Variants in GEMIN8 observed in about 807,000 individuals in gnomAD.
GEMIN8 encodes gem nuclear organelle associated protein 8.
For missense variants in GEMIN8, 185 were observed against 205.9 expected (o/e 0.90, Z 0.62); for synonymous variants, 80 against 78.5 (o/e 1.02, Z -0.10).
At chrX:14,012,526 T>C (rs1396469768) in intron 4 of GEMIN8, among the ~76,000 whole-genome samples, 1 of 111,127 alleles carries the variant, frequency 9.0e-6, no homozygotes, top group Non-Finnish European at 1.9e-5. Flanking sequence ...CCTAAAACAC[T>C]GAACTAAAGG....
At position 14,007,821 on chromosome X, in the gene GEMIN8, C is replaced by T. The variant is rs148131569; in HGVS notation, c.*1092G>A. Among the ~76,000 whole-genome samples, 650 of 110,475 alleles carry T rather than the reference C, an allele frequency of 5.9e-3. 4 individuals carry two copies. Among genetic ancestry groups the T allele is most frequent in the African/African-American group, 0.02 (604 of 30,328 alleles). ...GGATTACAGGCATGAGCCACCGCGCCGGGCCGGAATTATTGTTCTTTGCTC... is the reference window on the plus strand; with the variant it reads ...GGATTACAGGCATGAGCCACCGCGCTGGGCCGGAATTATTGTTCTTTGCTC... On this transcript the variant is annotated 3_prime_UTR_variant, in exon 5 of 5. Coordinates refer to ENST00000680255, the MANE Select transcript of GEMIN8 (RefSeq NM_001042479.2).
chrX:14,000,555 C>T, the GEMIN8 span, among the ~76,000 whole-genome samples: 1 of 109,235 alleles, frequency 9.2e-6, no homozygotes, highest in Non-Finnish European at 1.9e-5. Flanking sequence ...CCAGATCGTG[C>T]CACTGCACTC....
At position 14,026,034 on chromosome X, in the gene GEMIN8, A is replaced by G. The variant is rs780198402; in HGVS notation, c.-34+106T>C. The stretch of plus-strand genomic sequence containing the variant: ...AAATAATTATAGACATTACAGCAAC[A>G]CCTTCAGAGACTACTACCTCTCAAA... On this transcript the variant is annotated intron_variant, in intron 2 of 4. Coordinates refer to ENST00000680255, the MANE Select transcript of GEMIN8 (RefSeq NM_001042479.2). The G allele has an allele frequency of 4.0e-6, 3 of 742,805 alleles. No homozygotes were observed. In the African/African-American group the frequency reaches 7.0e-5, roughly 17 times the overall value. The allele number at this position is 742,805 out of a possible 1,213,427, so 61.2% of individuals were successfully genotyped here. A position where few individuals can be genotyped will look rare whatever the true frequency, so the allele number is the denominator to read the frequency against.
At chrX:13,985,272 C>T in the GEMIN8 span, among the ~76,000 whole-genome samples, 1 of 111,800 alleles carries the variant, frequency 8.9e-6, no homozygotes, top group Admixed American at 9.5e-5. Flanking sequence ...AAGCACTGCC[C>T]CCAGAAACAG....
At chrX:14,028,574 A>C (rs1864992961) in intron 1 of GEMIN8, among the ~76,000 whole-genome samples, 1 of 110,429 alleles carries the variant, frequency 9.1e-6, no homozygotes, top group Admixed American at 9.7e-5. Flanking sequence ...TCTAGCCTTA[A>C]CTGTTCAAAA....
the GEMIN8 span, among the ~76,000 whole-genome samples, chrX:13,997,978 C>G: frequency 9.3e-6 from 1 of 107,781 alleles, no homozygotes. Context: ...ATAGTCACGA[C>G]GTATTTTTAA....
At chrX:14,009,216 G>A in intron 4 of GEMIN8, 47 bp from the exon 5 acceptor site, 2 of 1,172,692 alleles carry the variant, frequency 1.7e-6, no homozygotes, top group Non-Finnish European at 2.3e-6. Flanking sequence ...ACACGTGTGT[G>A]CACTGCAGAA....
intron 4 of GEMIN8, among the ~76,000 whole-genome samples, chrX:14,010,872 C>T (rs1451186456): frequency 1.8e-5 from 2 of 112,202 alleles, no homozygotes; most frequent in East Asian, 5.6e-4. Flanking sequence ...GAATGGGGGC[C>T]ACCAAGCATT....
At chrX:14,020,657 C>T (rs1008615430) in intron 3 of GEMIN8, 123 bp from the exon 4 acceptor site, 65 of 488,538 alleles carry the variant, frequency 1.3e-4, no homozygotes, top group Non-Finnish European at 2.2e-4. Flanking sequence ...TACCTACCTA[C>T]ATGAGGAGGC....
In GEMIN8 at chrX:14,026,156, C is replaced by G. The variant is rs763672662; in HGVS notation, c.-50G>C. 5.3e-6 allele frequency: 4 copies of G among 749,750 alleles called. No homozygotes were observed. The highest frequency in any genetic ancestry group is 6.3e-6 in the Non-Finnish European group (4 of 635,944). The allele number at this position is 749,750 out of a possible 1,213,427, so 61.8% of individuals were successfully genotyped here. On this transcript the variant is annotated 5_prime_UTR_variant, in exon 2 of 5. Coordinates refer to ENST00000680255, the MANE Select transcript of GEMIN8 (RefSeq NM_001042479.2). The stretch of plus-strand genomic sequence containing the variant: ...ATTCCTCACCTCCCTGGGAATGTCT[C>G]CCACTCTTTTATGGCACAAGCCTTC...
chrX:13,993,046 A>G, the GEMIN8 span, among the ~76,000 whole-genome samples: 4 of 111,881 alleles, frequency 3.6e-5, no homozygotes, highest in East Asian at 1.1e-3. Flanking sequence ...TCTTACATCT[A>G]TCTTCTCTCT....
At chrX:14,029,338 C>T (rs1924862458) in intron 1 of GEMIN8, 1 of 112,322 alleles carries the variant, frequency 8.9e-6, no homozygotes, top group African/African-American at 3.2e-5. Flanking sequence ...CTGTCCTGGG[C>T]GATCTTCTAT....
At chrX:14,014,931 G>A (rs1189979960) in intron 4 of GEMIN8, among the ~76,000 whole-genome samples, 3 of 111,492 alleles carry the variant, frequency 2.7e-5, no homozygotes, top group East Asian at 5.6e-4. Context: ...CAGCTGCCCC[G>A]CGGTGCTCCT....
chrX:14,016,866 A>AAAAAAT (rs1555947311), intron 4 of GEMIN8, among the ~76,000 whole-genome samples: 6 of 57,158 alleles, frequency 1.0e-4, no homozygotes, highest in Non-Finnish European at 9.0e-5. Flanking sequence ...AAAAAAAAAA[A>AAAAAAT]ATATATATAT....
intron 4 of GEMIN8, among the ~76,000 whole-genome samples, chrX:14,010,461 G>C (rs1159167517): frequency 8.9e-6 from 1 of 111,992 alleles, no homozygotes; most frequent in Admixed American, 9.5e-5. Context: ...GAAGATGGTT[G>C]TAGGGAAATA....
chrX:13,988,384 G>A, the GEMIN8 span, among the ~76,000 whole-genome samples: 2 of 110,290 alleles, frequency 1.8e-5, no homozygotes, highest in Non-Finnish European at 3.8e-5. Flanking sequence ...TCTCTCCTGA[G>A]CATGAGGCTT....
At chrX:13,999,141 G>T in the GEMIN8 span, among the ~76,000 whole-genome samples, 1 of 111,249 alleles carries the variant, frequency 9.0e-6, no homozygotes, top group Non-Finnish European at 1.9e-5. Flanking sequence ...TACAGACAGT[G>T]CAGAGTTCCT....
At position 14,020,283 on chromosome X, in the gene GEMIN8, A is replaced by G; in HGVS notation, c.267T>C (p.Ser89=). The change falls in exon 4 of 5, where the codon AGT becomes AGC. Residue 89 remains serine (S), a synonymous_variant. Coordinates refer to ENST00000680255, the MANE Select transcript of GEMIN8 (RefSeq NM_001042479.2). ...GCCCAGATCTTCTGAAATGTGAAGA[A>G]CTGCAGGGGTAGTCCTGCCAGGCCA... ...HHVAWQDYPC[S]SSHFRRSGQH... The G allele has an allele frequency of 8.3e-7, 1 of 1,209,913 alleles. No homozygotes were observed. Among genetic ancestry groups the G allele is most frequent in the South Asian group, 1.8e-5 (1 of 56,962 alleles).
chrX:14,000,334 C>T, the GEMIN8 span, among the ~76,000 whole-genome samples: 5 of 110,161 alleles, frequency 4.5e-5, no homozygotes, highest in Admixed American at 9.7e-5. Context: ...CAGTGGCTCA[C>T]GCTTGTAATC....
Sources: allele counts gnomAD v4.1 joint callset (sites outside exome capture counted in the v4.1 genomes callset), GRCh38; gene constraint gnomAD v4.1.1; transcripts MANE v1.5; gene names NCBI Gene and HGNC (gene_info 2026-07-23, HGNC 2026-07-21).